Variants in ABCG2 observed in about 807,000 individuals in gnomAD.
ABCG2 encodes broad substrate specificity ATP-binding cassette transporter ABCG2.
ABCG2 carries 80 observed loss-of-function variants against 73.5 expected under a neutral mutation model. That is an observed-to-expected ratio of 1.09 (90% confidence interval 0.91 to 1.31). The LOEUF (loss-of-function observed/expected upper bound fraction) is 1.31, where lower values mean the gene tolerates loss of function less well. ABCG2 is among the 50% of genes most tolerant of loss of function. The pLI is 0.00. For missense variants in ABCG2, 796 were observed against 786.2 expected (o/e 1.01, Z -0.15); for synonymous variants, 269 against 282.4 (o/e 0.95, Z 0.48).
At chr4:88,117,331 A>G (rs1409417828) in intron 7 of ABCG2, among the ~76,000 whole-genome samples, 1 of 150,342 alleles carries the variant, frequency 6.7e-6, no homozygotes, top group African/African-American at 2.4e-5. Context: ...AAAGAAAAAA[A>G]AAAAACCTTA....
chr4:88,183,086 TAAAAAAAAAAA>T (rs57261009), intron 1 of ABCG2, among the ~76,000 whole-genome samples: 1 of 68,932 alleles, frequency 1.5e-5, no homozygotes, highest in East Asian at 4.6e-4. Context: ...CTCCGTCTCA[TAAAAAAAAAAA>T]AAAAAAAAAA....
intron 1 of ABCG2, among the ~76,000 whole-genome samples, chr4:88,225,902 G>T (rs1453362021): frequency 6.6e-6 from 1 of 152,124 alleles, no homozygotes; most frequent in Non-Finnish European, 1.5e-5. Flanking sequence ...AAAATGAGAG[G>T]CAAGTGAAAG....
At chr4:88,210,855 C>T (rs1013535736) in intron 1 of ABCG2, among the ~76,000 whole-genome samples, 2 of 152,158 alleles carry the variant, frequency 1.3e-5, no homozygotes, top group Non-Finnish European at 2.9e-5. Context: ...AGCCACCACA[C>T]CTGACCCATA....
chr4:88,157,030 A>T (rs1726987808), intron 1 of ABCG2, among the ~76,000 whole-genome samples: 1 of 152,216 alleles, frequency 6.6e-6, no homozygotes, highest in African/African-American at 2.4e-5. Flanking sequence ...AGAACCTGGG[A>T]GGCAAAGGTT....
chr4:88,152,813 GGA>G (rs1245257824), intron 1 of ABCG2, among the ~76,000 whole-genome samples: 2 of 152,098 alleles, frequency 1.3e-5, no homozygotes. Context: ...GGGGTGGTAT[GGA>G]GAGAGAATGG....
intron 2 of ABCG2, among the ~76,000 whole-genome samples, chr4:88,136,900 C>T (rs1362488091): frequency 6.7e-6 from 1 of 150,370 alleles, no homozygotes; most frequent in Non-Finnish European, 1.5e-5. Context: ...CCTGTAGTCC[C>T]AGCTAGGAGG....
chr4:88,207,080 C>T (rs540970691), intron 1 of ABCG2, among the ~76,000 whole-genome samples: 1 of 152,308 alleles, frequency 6.6e-6, no homozygotes, highest in African/African-American at 2.4e-5. Flanking sequence ...CAAGCGTGAA[C>T]CAATGTGCCC....
Position 88,211,363 on chromosome 4 carries a change from AC to A in ABCG2, c.-20+19630del, listed in dbSNP as rs34198736. 2.2e-3 allele frequency among the ~76,000 whole-genome samples: 106 copies of A among 47,562 alleles called. 10 individuals carry two copies. In the South Asian group the frequency reaches 0.087, roughly 39 times the overall value. The allele number at this position is 47,562 out of a possible 152,430, so 31.2% of individuals were successfully genotyped here. On this transcript the variant is annotated intron_variant, in intron 1 of 15. Coordinates refer to the ABCG2 transcript ENST00000515655. ...TAGGTAATTGTTCAACCCCTGCCCC[AC>A]CCCCCCCCACTTTTGGAGACCCCAG...
intron 5 of ABCG2, among the ~76,000 whole-genome samples, chr4:88,126,234 T>A (rs1053267766): frequency 7.2e-5 from 11 of 152,258 alleles, no homozygotes; most frequent in African/African-American, 2.4e-4. Context: ...CAGGAAGAAG[T>A]CGAATCACTG....
At chr4:88,130,968 C>T (rs920198437) in intron 5 of ABCG2, 93 bp downstream of exon 5, 29 of 1,414,670 alleles carry the variant, frequency 2.0e-5, no homozygotes, top group African/African-American at 2.9e-5. Context: ...TGACCATACA[C>T]ATTACAGGAA....
At position 88,154,689 on chromosome 4, in the gene ABCG2, G is replaced by T. The variant is rs557689146; in HGVS notation, c.-20+3697C>A. ...TCATGGGGGTCAGGTGTGGTATCAG[G>T]AATAATGTGGGAGGCCGGATTGAAG... On this transcript the variant is annotated intron_variant, in intron 1 of 15. Transcript: ENST00000237612. Among the ~76,000 whole-genome samples the T allele has an allele frequency of 2.6e-5, 4 of 152,294 alleles. No individual in the cohort carries two copies. The South Asian group carries it at 8.3e-4, about 32-fold the overall frequency.
intron 1 of ABCG2, among the ~76,000 whole-genome samples, chr4:88,211,628 A>G (rs1245575489): frequency 1.3e-5 from 2 of 152,168 alleles, no homozygotes; most frequent in African/African-American, 2.4e-5. Context: ...TGTGTTAGCC[A>G]GGATGGGCTC....
At chr4:88,192,793 C>A (rs1428824250) in intron 1 of ABCG2, among the ~76,000 whole-genome samples, 1 of 151,220 alleles carries the variant, frequency 6.6e-6, no homozygotes, top group Non-Finnish European at 1.5e-5. Context: ...CTCACTGCAA[C>A]CTCTGCCTCC....
At chr4:88,177,377 TA>T (rs200529104) in intron 1 of ABCG2, among the ~76,000 whole-genome samples, 5 of 135,010 alleles carry the variant, frequency 3.7e-5, no homozygotes, top group African/African-American at 5.2e-5. Context: ...CGTCTCAAAA[TA>T]AAAAAAAATT....
chr4:88,171,091 G>T (rs1377939149), intron 1 of ABCG2, among the ~76,000 whole-genome samples: 1 of 152,024 alleles, frequency 6.6e-6, no homozygotes, highest in Non-Finnish European at 1.5e-5. Context: ...ACACAAAGAA[G>T]GAAACAACAG....
intron 1 of ABCG2, among the ~76,000 whole-genome samples, chr4:88,145,969 G>C (rs1725969074): frequency 6.6e-6 from 1 of 152,034 alleles, no homozygotes; most frequent in South Asian, 2.1e-4. Flanking sequence ...GCTGTGTGGA[G>C]AACAACAGGA....
intron 9 of ABCG2, among the ~76,000 whole-genome samples, chr4:88,108,405 G>A (rs943509786): frequency 2.6e-5 from 4 of 151,824 alleles, no homozygotes; most frequent in Admixed American, 6.6e-5. Flanking sequence ...GGTGGTGTAC[G>A]CCTGTAGTCC....
intron 2 of ABCG2, among the ~76,000 whole-genome samples, chr4:88,139,410 C>A (rs141841519): frequency 1.3e-3 from 205 of 152,162 alleles, no homozygotes; most frequent in African/African-American, 4.6e-3. Flanking sequence ...CACACCACCA[C>A]GCCCAGCTAA....
At chr4:88,186,005 C>T (rs1203595176) in intron 1 of ABCG2, among the ~76,000 whole-genome samples, 5 of 152,134 alleles carry the variant, frequency 3.3e-5, no homozygotes, top group Admixed American at 6.5e-5. Context: ...AATCCCACTG[C>T]TTGGTATATA....
Sources: gnomAD v4.1 joint callset for allele counts (sites outside exome capture counted in the v4.1 genomes callset) on GRCh38, gnomAD v4.1.1 for gene constraint, MANE v1.5 for transcripts, NCBI Gene and HGNC (gene_info 2026-07-23, HGNC 2026-07-21) for gene names.